Variants in PBLD observed in about 807,000 individuals in gnomAD.
The protein encoded by PBLD is phenazine biosynthesis-like domain-containing protein.
Under a neutral mutation model 31.3 loss-of-function variants are expected in PBLD, and 26 were observed. The ratio of observed to expected loss-of-function variants is 0.83; its 90% CI spans 0.61 to 1.15. The LOEUF is 1.15. Ranked by LOEUF, PBLD falls within the 50% of genes most tolerant of loss-of-function variation. The probability of loss-of-function intolerance (pLI) is 0.00; values close to 1 mark genes in which losing one functional copy is unlikely to be tolerated. For missense variants in PBLD, 307 were observed against 351.7 expected (o/e 0.87, Z 1.02); for synonymous variants, 114 against 129.0 (o/e 0.88, Z 0.79).
intron 1 of PBLD, among the ~76,000 whole-genome samples, chr10:68,325,399 A>G (rs947432619): frequency 6.6e-6 from 1 of 151,720 alleles, no homozygotes; most frequent in Non-Finnish European, 1.5e-5. Context: ...CCCCGTGTCT[A>G]CCTAAAAATA....
intron 2 of PBLD, among the ~76,000 whole-genome samples, chr10:68,304,129 C>G (rs527611720): frequency 1.3e-5 from 2 of 152,314 alleles, no homozygotes; most frequent in South Asian, 4.1e-4. Flanking sequence ...CCTGTGGCCA[C>G]CTGTATTCTC....
chr10:68,318,226 C>CTAAA (rs531045202), intron 1 of PBLD, among the ~76,000 whole-genome samples: 122 of 151,608 alleles, frequency 8.0e-4, no homozygotes, highest in African/African-American at 2.8e-3. Flanking sequence ...GACTCTGTCT[C>CTAAA]TAAATAAATA....
intron 1 of PBLD, among the ~76,000 whole-genome samples, chr10:68,320,834 T>TC (rs1401296946): frequency 1.1e-4 from 16 of 151,456 alleles, no homozygotes; most frequent in African/African-American, 3.9e-4. Context: ...TTTTTTTTTT[T>TC]TGAGACAGAG....
chr10:68,313,724 A>G (rs1023479201), intron 1 of PBLD, among the ~76,000 whole-genome samples: 1 of 152,224 alleles, frequency 6.6e-6, no homozygotes, highest in African/African-American at 2.4e-5. Flanking sequence ...CCTGGAAGGG[A>G]CTTCAGAAAA....
chr10:68,289,593 C>G (rs2044331140), intron 6 of PBLD, among the ~76,000 whole-genome samples: 1 of 151,794 alleles, frequency 6.6e-6, no homozygotes, highest in Non-Finnish European at 1.5e-5. Context: ...CTATGTGCCT[C>G]AATGCACAAC....
At chr10:68,289,249 C>T (rs950207008) in intron 6 of PBLD, among the ~76,000 whole-genome samples, 1 of 152,114 alleles carries the variant, frequency 6.6e-6, no homozygotes, top group Non-Finnish European at 1.5e-5. Flanking sequence ...GCATTGTGGC[C>T]AGGTGCAGTG....
chr10:68,307,490 TTTTTG>T (rs889978053), intron 1 of PBLD, among the ~76,000 whole-genome samples: 21 of 151,682 alleles, frequency 1.4e-4, no homozygotes, highest in South Asian at 4.2e-4. Flanking sequence ...TAGGATCTGT[TTTTTG>T]TTTTGTTTTG....
At chr10:68,293,880 CA>C (rs1196325776) in intron 4 of PBLD, among the ~76,000 whole-genome samples, 1 of 64,242 alleles carries the variant, frequency 1.6e-5, no homozygotes, top group Non-Finnish European at 4.8e-5. Context: ...GAGGCTGAGG[CA>C]GGAAAATCAC....
At chr10:68,301,189 C>T (rs2044501516) in intron 2 of PBLD, among the ~76,000 whole-genome samples, 1 of 152,300 alleles carries the variant, frequency 6.6e-6, no homozygotes, top group African/African-American at 2.4e-5. Context: ...AGCCACCGCA[C>T]CCGCCCATTC....
intron 2 of PBLD, 133 bp downstream of exon 2, chr10:68,306,628 C>A: frequency 1.4e-6 from 1 of 740,250 alleles, no homozygotes; most frequent in Non-Finnish European, 2.1e-6. Context: ...CATACATGAA[C>A]ATTACTGATA....
intron 2 of PBLD, among the ~76,000 whole-genome samples, chr10:68,306,405 G>A (rs1048082301): frequency 6.6e-6 from 1 of 152,150 alleles, no homozygotes; most frequent in African/African-American, 2.4e-5. Context: ...TATGCTCAAT[G>A]TGAAATTGGC....
At chr10:68,300,505 G>T (rs935865083) in intron 2 of PBLD, among the ~76,000 whole-genome samples, 1 of 152,150 alleles carries the variant, frequency 6.6e-6, no homozygotes, top group Non-Finnish European at 1.5e-5. Context: ...ACAACTAAGG[G>T]GATTTGTTAG....
chr10:68,284,985 A>C, intron 9 of PBLD: 1 of 1,089,818 alleles, frequency 9.2e-7, no homozygotes, highest in Non-Finnish European at 1.1e-6. Flanking sequence ...TTCCAAAGTA[A>C]TTTGTTTGAT....
rs528194010 is a variant in PBLD at position 68,283,242 on chromosome 10, C to G, written c.*935G>C. The stretch of plus-strand genomic sequence containing the variant: ...ATGACAGGAAGTAGCCTAATACATA[C>G]TTTTTTGTGTTAATTTTCTGGATTC... On this transcript the variant is annotated 3_prime_UTR_variant, in exon 10 of 10. Coordinates refer to ENST00000358769, the MANE Select transcript of PBLD (RefSeq NM_022129.4). 8 of 152,168 alleles carry G rather than the reference C, an allele frequency of 5.3e-5. No individual in the cohort carries two copies. The highest frequency in any genetic ancestry group is 1.9e-4 in the African/African-American group (8 of 41,516). The allele number at this position is 152,168 out of a possible 1,614,324, so 9.4% of individuals were successfully genotyped here.
At chr10:68,302,671 T>A (rs2044519611) in intron 2 of PBLD, among the ~76,000 whole-genome samples, 1 of 151,978 alleles carries the variant, frequency 6.6e-6, no homozygotes. Context: ...AGCAAGACCC[T>A]GTCTCTACAA....
At chr10:68,307,799 G>A (rs1014131459) in intron 1 of PBLD, among the ~76,000 whole-genome samples, 5 of 151,968 alleles carry the variant, frequency 3.3e-5, no homozygotes, top group South Asian at 2.1e-4. Context: ...GCACCCGGCC[G>A]CTTAAGCTCT....
chr10:68,325,106 C>T (rs1324972968), intron 1 of PBLD, among the ~76,000 whole-genome samples: 3 of 150,544 alleles, frequency 2.0e-5, no homozygotes, highest in Non-Finnish European at 4.4e-5. Context: ...TAGCCAGGTG[C>T]GGTGGCAGGC....
intron 2 of PBLD, among the ~76,000 whole-genome samples, chr10:68,303,741 C>A (rs866001043): frequency 6.6e-6 from 1 of 152,102 alleles, no homozygotes; most frequent in Non-Finnish European, 1.5e-5. Context: ...AGCACCACGA[C>A]CTAGTCTTTA....
rs199766474 is a variant in PBLD, at chr10:68,297,002, C to T, written c.85-17G>A. On this transcript the variant is annotated splice_polypyrimidine_tract_variant and intron_variant, in intron 2 of 9. Transcript: ENST00000358769. ...ATCCAATTCCTTAATTAGAAACAGACGATCATTGAGGTTTCAAAAACACAG... is the reference window on the plus strand; with the variant it reads ...ATCCAATTCCTTAATTAGAAACAGATGATCATTGAGGTTTCAAAAACACAG... 28 of 1,581,520 alleles carry T rather than the reference C, an allele frequency of 1.8e-5. No homozygotes were observed. Among genetic ancestry groups the T allele is most frequent in the African/African-American group, 8.1e-5 (6 of 74,316 alleles).
Sources: allele counts gnomAD v4.1 joint callset (sites outside exome capture counted in the v4.1 genomes callset), GRCh38; gene constraint gnomAD v4.1.1; transcripts MANE v1.5; gene names NCBI Gene and HGNC (gene_info 2026-07-23, HGNC 2026-07-21).